Variants in WIPI2 observed in about 807,000 individuals in gnomAD.
WIPI2 encodes WD repeat domain, phosphoinositide interacting 2, also known as WD repeat domain phosphoinositide-interacting protein 2.
WIPI2 carries 28 observed loss-of-function variants against 52.3 expected under a neutral mutation model. The observed-to-expected ratio is 0.54, with a 90% CI of 0.40 to 0.73. WIPI2 has a LOEUF of 0.73. WIPI2 is among the 30% of genes least tolerant of loss of function. The probability of loss-of-function intolerance (pLI) is 0.00; values close to 1 mark genes in which losing one functional copy is unlikely to be tolerated. For missense variants in WIPI2, 506 were observed against 602.9 expected (o/e 0.84, Z 1.68); for synonymous variants, 268 against 245.0 (o/e 1.09, Z -0.88).
intron 3 of WIPI2, among the ~76,000 whole-genome samples, chr7:5,208,718 C>T (rs1782412111): frequency 6.6e-6 from 1 of 152,062 alleles, no homozygotes; most frequent in Non-Finnish European, 1.5e-5. Flanking sequence ...CTTTACAGTC[C>T]TGTGACCTGT....
intron 1 of WIPI2, among the ~76,000 whole-genome samples, chr7:5,191,526 C>T (rs1285607540): frequency 6.6e-6 from 1 of 152,110 alleles, no homozygotes; most frequent in African/African-American, 2.4e-5. Flanking sequence ...GCATTCGGAA[C>T]GCTGTTTGTC....
intron 1 of WIPI2, 108 bp from the exon 2 acceptor site, chr7:5,193,010 T>A (rs984870107): frequency 9.7e-7 from 1 of 1,032,994 alleles, no homozygotes; most frequent in Non-Finnish European, 1.5e-6. Context: ...TTACTGGTAA[T>A]ATGATTTCCA....
At chr7:5,221,260 C>A (rs1783113581) in intron 7 of WIPI2, among the ~76,000 whole-genome samples, 1 of 152,054 alleles carries the variant, frequency 6.6e-6, no homozygotes, top group Non-Finnish European at 1.5e-5. Flanking sequence ...CGCACCTGGC[C>A]CACACCCAGC....
chr7:5,229,916 T>G (rs1170766784), intron 12 of WIPI2, among the ~76,000 whole-genome samples, 178 bp downstream of exon 12: 1 of 149,790 alleles, frequency 6.7e-6, no homozygotes, highest in African/African-American at 2.5e-5. Flanking sequence ...AAGGCTGAAT[T>G]CAGTTTCGTT....
At chr7:5,216,753 C>T (rs530179119) in intron 5 of WIPI2, 94 bp downstream of exon 5, 42 of 1,215,652 alleles carry the variant, frequency 3.5e-5, no homozygotes, top group Middle Eastern at 3.9e-4. Context: ...TTATAGGTTC[C>T]GCAGATGAGA....
chr7:5,227,123 G>T lies in WIPI2; in HGVS notation c.849-57G>T. The T allele has an allele frequency of 6.2e-6, 10 of 1,603,570 alleles. No individual in the cohort carries two copies. Among genetic ancestry groups the T allele is most frequent in the Non-Finnish European group, 7.7e-6 (9 of 1,174,528 alleles). ...AGCTGTGCGTCTGTGTGAGTAGGGG[G>T]TGGCCGTCCCCCCAGGGAGGGTGCA... is the stretch of plus-strand genomic sequence containing the variant. On this transcript the variant is annotated intron_variant, in intron 9 of 12. Coordinates refer to ENST00000288828, the MANE Select transcript of WIPI2 (RefSeq NM_015610.4). The surrounding 1 kb of genome is among the most constrained non-coding windows in gnomAD (Gnocchi z 8.1).
intron 7 of WIPI2, among the ~76,000 whole-genome samples, chr7:5,220,618 G>A (rs115171844): frequency 1.3e-4 from 20 of 151,950 alleles, no homozygotes; most frequent in African/African-American, 4.1e-4. Context: ...TGGGACAACA[G>A]GAACGAATCA....
At chr7:5,225,000 G>C (rs1349525816) in intron 8 of WIPI2, among the ~76,000 whole-genome samples, 1 of 152,126 alleles carries the variant, frequency 6.6e-6, no homozygotes. Context: ...AAAACCCCTT[G>C]CTATTACGGA....
intron 2 of WIPI2, among the ~76,000 whole-genome samples, chr7:5,195,076 C>G (rs1287583770): frequency 1.3e-5 from 2 of 152,100 alleles, no homozygotes; most frequent in South Asian, 4.1e-4. Context: ...AGAGCAGGGT[C>G]TCTGGGTTTG....
At chr7:5,200,861 C>T (rs1272762157) in intron 3 of WIPI2, among the ~76,000 whole-genome samples, 1 of 152,192 alleles carries the variant, frequency 6.6e-6, no homozygotes, top group East Asian at 1.9e-4. Context: ...GTACCCAGGC[C>T]CTTTGCAGGG....
chr7:5,221,497 CCTTT>C (rs1783127435), intron 7 of WIPI2, among the ~76,000 whole-genome samples: 1 of 152,186 alleles, frequency 6.6e-6, no homozygotes, highest in Admixed American at 6.5e-5. Context: ...CATTTTAAGG[CCTTT>C]CTTTCCATCA....
intron 8 of WIPI2, among the ~76,000 whole-genome samples, chr7:5,223,722 G>C (rs982247745): frequency 6.6e-6 from 1 of 152,138 alleles, no homozygotes; most frequent in Admixed American, 6.5e-5. Context: ...TGGGCACTGG[G>C]CACCTCAAGC....
At chr7:5,205,765 C>T (rs1014296547) in intron 3 of WIPI2, among the ~76,000 whole-genome samples, 1 of 152,136 alleles carries the variant, frequency 6.6e-6, no homozygotes, top group Non-Finnish European at 1.5e-5. Flanking sequence ...GCCTCTGCCT[C>T]CCAAAGTGCT....
At chr7:5,220,416 TA>T (rs1783059362) in intron 7 of WIPI2, among the ~76,000 whole-genome samples, 1 of 151,638 alleles carries the variant, frequency 6.6e-6, no homozygotes, top group African/African-American at 2.4e-5. Context: ...CTAATTTTTG[TA>T]TTTTGAGTAG....
intron 3 of WIPI2, among the ~76,000 whole-genome samples, chr7:5,212,525 C>G (rs1014756248): frequency 6.6e-6 from 1 of 152,168 alleles, no homozygotes; most frequent in African/African-American, 2.4e-5. Flanking sequence ...CAGTCCTACC[C>G]TCCTTTTTGG....
rs562444927 is a variant in WIPI2 at position 5,208,948 on chromosome 7, C to T, written c.212-5587C>T. Reference sequence around the variant, plus strand: ...TTGATACGTTAATAATATTGAGTACCCAGAATATGGTATATCTCTTCATTT... The same window carrying T: ...TTGATACGTTAATAATATTGAGTACTCAGAATATGGTATATCTCTTCATTT... On this transcript the variant is annotated intron_variant, in intron 3 of 12. Transcript: ENST00000288828. Among the ~76,000 whole-genome samples, 10 of 151,502 alleles carry T rather than the reference C, an allele frequency of 6.6e-5. No individual in the cohort carries two copies. The South Asian group carries it at 2.1e-3, about 32-fold the overall frequency.
At chr7:5,200,904 C>T (rs1236614825) in intron 3 of WIPI2, among the ~76,000 whole-genome samples, 3 of 152,350 alleles carry the variant, frequency 2.0e-5, no homozygotes, top group African/African-American at 7.2e-5. Context: ...CCATGATCAG[C>T]GTCCCTGACT....
At chr7:5,225,175 C>G (rs1040480989) in intron 8 of WIPI2, among the ~76,000 whole-genome samples, 1 of 151,532 alleles carries the variant, frequency 6.6e-6, no homozygotes. Context: ...GAGTCTCACT[C>G]TGTCGCCCAG....
At chr7:5,214,454 G>A (rs756036813) in intron 3 of WIPI2, 81 bp from the exon 4 acceptor site, 4 of 1,613,482 alleles carry the variant, frequency 2.5e-6, no homozygotes, top group African/African-American at 1.3e-5. Context: ...CCAGGCAGGT[G>A]TTTGTTTTTG....
Sources: gnomAD v4.1 joint callset for allele counts (sites outside exome capture counted in the v4.1 genomes callset) on GRCh38, gnomAD v4.1.1 for gene constraint, Gnocchi (gnomAD v3.1) non-coding constraint, MANE v1.5 for transcripts, NCBI Gene and HGNC (gene_info 2026-07-23, HGNC 2026-07-21) for gene names.